Variants in ATP6V1E1 observed in about 807,000 individuals in gnomAD.
The protein encoded by ATP6V1E1 is V-type proton ATPase subunit E 1.
ATP6V1E1 carries 21 observed loss-of-function variants against 35.2 expected under a neutral mutation model. The ratio of observed to expected loss-of-function variants is 0.60; its 90% CI spans 0.42 to 0.86. The LOEUF (loss-of-function observed/expected upper bound fraction) is 0.86, where lower values mean the gene tolerates loss of function less well. Among genes scored for constraint, ATP6V1E1 ranks in the 40% least tolerant of loss-of-function variants. ATP6V1E1 has a pLI of 0.00. For missense variants in ATP6V1E1, 183 were observed against 272.6 expected (o/e 0.67, Z 2.32); for synonymous variants, 83 against 87.8 (o/e 0.95, Z 0.30).
intron 5 of ATP6V1E1, 186 bp downstream of exon 5, chr22:17,600,906 C>T (rs2057758680): frequency 2.3e-6 from 1 of 428,234 alleles, no homozygotes; most frequent in Admixed American, 4.2e-5. Flanking sequence ...TTACTATTTT[C>T]CTATGCAGCA....
chr22:17,619,590 G>A, intron 1 of ATP6V1E1, 64 bp from the exon 2 acceptor site: 2 of 1,374,542 alleles, frequency 1.5e-6, no homozygotes, highest in Non-Finnish European at 2.0e-6. Flanking sequence ...CTGATTCATT[G>A]AACAAGTAAT....
intron 1 of ATP6V1E1, among the ~76,000 whole-genome samples, chr22:17,627,386 C>T (rs1203655017): frequency 6.6e-6 from 1 of 151,782 alleles, no homozygotes; most frequent in South Asian, 2.1e-4. Flanking sequence ...TCCTCAGCCT[C>T]CCAAAGTGCT....
At chr22:17,600,431 T>C (rs41303851) in intron 5 of ATP6V1E1, among the ~76,000 whole-genome samples, 19,428 of 152,074 alleles carry the variant, frequency 0.13, 1,314 homozygotes, top group Middle Eastern at 0.21. Context: ...AGTGAGACTC[T>C]GTCTCCAAAA....
intron 4 of ATP6V1E1, among the ~76,000 whole-genome samples, chr22:17,601,909 CTT>C (rs398101669): frequency 6.6e-6 from 1 of 151,366 alleles, no homozygotes; most frequent in African/African-American, 2.4e-5. Context: ...CCTCAGCCCT[CTT>C]TGTTTGTTTT....
intron 4 of ATP6V1E1, among the ~76,000 whole-genome samples, chr22:17,612,230 A>T (rs1053063045): frequency 1.3e-5 from 2 of 152,228 alleles, no homozygotes; most frequent in Non-Finnish European, 2.9e-5. Flanking sequence ...CACAATGAGT[A>T]ACAGTGGAAA....
intron 1 of ATP6V1E1, among the ~76,000 whole-genome samples, chr22:17,619,920 C>T (rs573767182): frequency 5.9e-5 from 9 of 152,224 alleles, no homozygotes; most frequent in Non-Finnish European, 1.0e-4. Flanking sequence ...ACAAGTTAGC[C>T]AGCACCCTCC....
intron 7 of ATP6V1E1, chr22:17,595,432 T>C (rs1406278122): frequency 1.3e-5 from 2 of 152,226 alleles, no homozygotes; most frequent in East Asian, 3.8e-4. Context: ...GAGGATTTCA[T>C]CTCAGTTTGC....
chr22:17,614,971 T>C (rs1052289620), intron 2 of ATP6V1E1, among the ~76,000 whole-genome samples: 1 of 149,930 alleles, frequency 6.7e-6, no homozygotes, highest in Non-Finnish European at 1.5e-5. Context: ...AAAAAAAATT[T>C]TTTTTCCCTC....
intron 2 of ATP6V1E1, 199 bp downstream of exon 2, chr22:17,619,262 A>G: frequency 1.7e-6 from 1 of 578,074 alleles, no homozygotes; most frequent in Non-Finnish European, 3.1e-6. Flanking sequence ...ATTGCACTTC[A>G]GCCTGGGCGA....
chr22:17,598,582 A>AT (rs199943322), intron 6 of ATP6V1E1, among the ~76,000 whole-genome samples: 3 of 151,854 alleles, frequency 2.0e-5, no homozygotes, highest in Non-Finnish European at 4.4e-5. Flanking sequence ...AAGATACATT[A>AT]TTCCCCCAGC....
At chr22:17,627,076 G>A (rs897310971) in intron 1 of ATP6V1E1, among the ~76,000 whole-genome samples, 5 of 151,984 alleles carry the variant, frequency 3.3e-5, no homozygotes, top group East Asian at 1.9e-4. Context: ...TGCAACCTCC[G>A]CCTGCCGGGT....
intron 2 of ATP6V1E1, among the ~76,000 whole-genome samples, chr22:17,615,848 C>A (rs1273612160): frequency 6.6e-6 from 1 of 151,588 alleles, no homozygotes; most frequent in East Asian, 1.9e-4. Context: ...CTGGCTAACA[C>A]GGTGAAACCC....
intron 4 of ATP6V1E1, among the ~76,000 whole-genome samples, chr22:17,605,528 C>T (rs1027531463): frequency 1.4e-4 from 21 of 151,912 alleles, no homozygotes; most frequent in African/African-American, 5.1e-4. Flanking sequence ...GAAACTCCGT[C>T]TCAAAAAGAA....
intron 4 of ATP6V1E1, among the ~76,000 whole-genome samples, chr22:17,604,125 AG>A (rs561680240): frequency 7.9e-4 from 121 of 152,354 alleles, no homozygotes; most frequent in African/African-American, 2.8e-3. Flanking sequence ...CCTTGTCTGA[AG>A]CATGCCTGTC....
intron 2 of ATP6V1E1, among the ~76,000 whole-genome samples, chr22:17,615,269 C>G (rs1262312599): frequency 6.6e-6 from 1 of 152,082 alleles, no homozygotes; most frequent in Non-Finnish European, 1.5e-5. Context: ...CCACTGCACT[C>G]TAGCCTGGGT....
At chr22:17,612,406 C>T (rs866836051) in intron 4 of ATP6V1E1, among the ~76,000 whole-genome samples, 1 of 152,152 alleles carries the variant, frequency 6.6e-6, no homozygotes, top group African/African-American at 2.4e-5. Flanking sequence ...TTAGCCTGCA[C>T]GCTTATATCA....
At position 17,627,953 on chromosome 22, in the gene ATP6V1E1, TA is replaced by T. The variant is rs747287561; in HGVS notation, c.33+649del. ...TAGCCTTAAGCATTTCCCTCAGGGT[TA>T]AAAAAAAAAAAAGTGACAAGGCTGG... On this transcript the variant is annotated intron_variant, in intron 1 of 8. Transcript: ENST00000253413. Among the ~76,000 whole-genome samples the T allele has an allele frequency of 5.4e-3, 757 of 141,144 alleles. 1 individual carries two copies. Among genetic ancestry groups the T allele is most frequent in the Non-Finnish European group, 7.9e-3 (511 of 64,610 alleles). 92.6% of individuals were successfully genotyped at this position (141,144 alleles called of 152,430 possible). A position where few individuals can be genotyped will look rare whatever the true frequency, so the allele number is the denominator to read the frequency against.
At chr22:17,598,955 G>A (rs568164106) in intron 6 of ATP6V1E1, among the ~76,000 whole-genome samples, 2 of 152,242 alleles carry the variant, frequency 1.3e-5, no homozygotes, top group South Asian at 4.1e-4. Flanking sequence ...CACAACGTGG[G>A]GCATCCATAC....
At chr22:17,618,871 C>A (rs9605345) in intron 2 of ATP6V1E1, among the ~76,000 whole-genome samples, 27,752 of 151,374 alleles carry the variant, frequency 0.18, 2,892 homozygotes, top group African/African-American at 0.29. Context: ...GTGACGGTGC[C>A]TGCCTGTAGT....
Sources: allele counts gnomAD v4.1 joint callset (sites outside exome capture counted in the v4.1 genomes callset), GRCh38; gene constraint gnomAD v4.1.1; transcripts MANE v1.5; gene names NCBI Gene and HGNC (gene_info 2026-07-23, HGNC 2026-07-21).